Variants in DCC observed in about 807,000 individuals in gnomAD.
DCC encodes the protein netrin receptor DCC.
A neutral mutation model predicts 172.5 loss-of-function variants in DCC; 58 were observed. The observed-to-expected ratio is 0.34, with a 90% CI of 0.27 to 0.42. The LOEUF is 0.42. Among genes scored for constraint, DCC ranks in the 10% least tolerant of loss-of-function variants. DCC has a pLI of 1.00. For synonymous variants in DCC, 709 were observed against 644.5 expected (o/e 1.10, Z -1.52); for missense variants, 1,740 against 1,791.0 (o/e 0.97, Z 0.51).
At chr18:52,542,665 G>A (rs1022798422) in intron 1 of DCC, among the ~76,000 whole-genome samples, 3 of 151,992 alleles carry the variant, frequency 2.0e-5, no homozygotes, top group Admixed American at 6.6e-5. Flanking sequence ...GAGAAACCCC[G>A]TCTCTACTAA....
intron 2 of DCC, among the ~76,000 whole-genome samples, chr18:52,889,758 T>A (rs544873894): frequency 2.6e-5 from 4 of 152,292 alleles, no homozygotes; most frequent in South Asian, 4.1e-4. Context: ...GAATTTTTCA[T>A]AAATTGAGGT....
rs1347670153 is a variant in DCC, at chr18:53,459,215, C to T, written c.3393-17C>T. On this transcript the variant is annotated splice_polypyrimidine_tract_variant and intron_variant, in intron 23 of 28. Transcript: ENST00000442544. ...GAATAGAGGTTCTCACATTTGCCTT[C>T]TAACTTTGTTCCATAGGAAACGGGC... 2.5e-6 allele frequency: 4 copies of T among 1,604,800 alleles called. No homozygotes were observed.
chr18:53,005,431 C>T (rs191678170), intron 5 of DCC, among the ~76,000 whole-genome samples: 2 of 152,092 alleles, frequency 1.3e-5, no homozygotes, highest in Non-Finnish European at 2.9e-5. Flanking sequence ...GTTTGAAATG[C>T]CTACTTATAA....
chr18:52,922,481 C>T (rs2040141662), intron 3 of DCC, among the ~76,000 whole-genome samples: 1 of 152,138 alleles, frequency 6.6e-6, no homozygotes, highest in Non-Finnish European at 1.5e-5. Context: ...CAGCGATTCT[C>T]CTCACCCCGA....
At chr18:53,440,584 T>A (rs1379432408) in intron 22 of DCC, among the ~76,000 whole-genome samples, 2 of 152,114 alleles carry the variant, frequency 1.3e-5, no homozygotes, top group Non-Finnish European at 2.9e-5. Flanking sequence ...TATAAAATGA[T>A]CATTCCAAGG....
chr18:53,282,910 C>T (rs537085278), intron 12 of DCC, among the ~76,000 whole-genome samples: 1 of 152,204 alleles, frequency 6.6e-6, no homozygotes, highest in South Asian at 2.1e-4. Context: ...AAAAGAAAAT[C>T]GATGTGTGCA....
chr18:53,518,213 G>A (rs1364903057), intron 27 of DCC, among the ~76,000 whole-genome samples: 1 of 152,138 alleles, frequency 6.6e-6, no homozygotes, highest in African/African-American at 2.4e-5. Context: ...GCAGAGATAA[G>A]AACCCAGGCT....
intron 7 of DCC, among the ~76,000 whole-genome samples, chr18:53,136,363 C>T (rs2043742782): frequency 6.6e-6 from 1 of 151,932 alleles, no homozygotes; most frequent in Admixed American, 6.6e-5. Context: ...AAGAACAGCA[C>T]ATGTCATGGC....
intron 14 of DCC, among the ~76,000 whole-genome samples, chr18:53,334,600 C>T (rs1249450399): frequency 1.3e-5 from 2 of 152,180 alleles, no homozygotes; most frequent in Admixed American, 1.3e-4. Flanking sequence ...CAACCCCCAG[C>T]CTCTGGCAAC....
intron 1 of DCC, among the ~76,000 whole-genome samples, chr18:52,388,439 G>T (rs1291331912): frequency 6.6e-6 from 1 of 151,998 alleles, no homozygotes; most frequent in Non-Finnish European, 1.5e-5. Flanking sequence ...TTTAGGTTCT[G>T]CCAAATTACT....
chr18:52,881,659 A>G (rs1304314168), intron 2 of DCC, among the ~76,000 whole-genome samples: 2 of 152,130 alleles, frequency 1.3e-5, no homozygotes, highest in African/African-American at 4.8e-5. Flanking sequence ...CCATTGGTCT[A>G]TGTGTCTGGA....
At chr18:52,342,328 G>A (rs547562707) in intron 1 of DCC, among the ~76,000 whole-genome samples, 1 of 152,032 alleles carries the variant, frequency 6.6e-6, no homozygotes, top group Non-Finnish European at 1.5e-5. Context: ...TGATGAGCGC[G>A]TACCCGCATC....
chr18:53,263,438 C>T (rs536440836), intron 12 of DCC, among the ~76,000 whole-genome samples: 1 of 152,202 alleles, frequency 6.6e-6, no homozygotes, highest in South Asian at 2.1e-4. Flanking sequence ...AGGCATGAGC[C>T]ACCACACCCA....
intron 14 of DCC, among the ~76,000 whole-genome samples, chr18:53,329,174 C>CA: frequency 6.6e-6 from 1 of 151,902 alleles, no homozygotes; most frequent in East Asian, 1.9e-4. Flanking sequence ...ATTGTTTTTG[C>CA]AAAAAACTAA....
rs547503396 is a variant in DCC at position 52,759,857 on chromosome 18, T to G, written c.412+7483T>G. Among the ~76,000 whole-genome samples the G allele has an allele frequency of 2.0e-5, 3 of 152,298 alleles. No individual in the cohort carries two copies. In the East Asian group the frequency reaches 5.8e-4, roughly 29 times the overall value. On this transcript the variant is annotated intron_variant, in intron 2 of 28. Coordinates refer to ENST00000442544, the MANE Select transcript of DCC (RefSeq NM_005215.4). ...TAAACAAAGTTATACACAAGTAACT[T>G]TCAGAAATGAAGACCCAAACCCCTA...
At chr18:52,778,430 A>AT (rs1452829699) in intron 2 of DCC, among the ~76,000 whole-genome samples, 6 of 152,188 alleles carry the variant, frequency 3.9e-5, no homozygotes, top group East Asian at 1.9e-4. Context: ...AACCGTTAAC[A>AT]TTTTTTTCCA....
intron 1 of DCC, among the ~76,000 whole-genome samples, chr18:52,347,839 C>A (rs1983945434): frequency 6.6e-6 from 1 of 152,198 alleles, no homozygotes; most frequent in South Asian, 2.1e-4. Flanking sequence ...TTAGTTTCAA[C>A]ACTATATAAT....
intron 2 of DCC, among the ~76,000 whole-genome samples, chr18:52,866,719 C>T (rs564188137): frequency 5.3e-5 from 8 of 152,074 alleles, no homozygotes; most frequent in Admixed American, 2.6e-4. Flanking sequence ...TTATGATTTT[C>T]GCACATTGAT....
chr18:53,367,623 A>C (rs2058020475), intron 15 of DCC, among the ~76,000 whole-genome samples: 1 of 151,924 alleles, frequency 6.6e-6, no homozygotes, highest in Non-Finnish European at 1.5e-5. Context: ...CATCTCTAGA[A>C]CTCTTTTAAT....
Sources: gnomAD v4.1 joint callset for allele counts (sites outside exome capture counted in the v4.1 genomes callset) on GRCh38, gnomAD v4.1.1 for gene constraint, MANE v1.5 for transcripts, NCBI Gene and HGNC (gene_info 2026-07-23, HGNC 2026-07-21) for gene names.